The following COL23A1 variants were observed in gnomAD, a reference collection of about 807,000 sequenced individuals.
COL23A1 encodes the protein collagen alpha-1(XXIII) chain.
A neutral mutation model predicts 99.3 loss-of-function variants in COL23A1; 97 were observed. The ratio of observed to expected loss-of-function variants is 0.98; its 90% confidence interval spans 0.83 to 1.16. The LOEUF is 1.16. Ranked by LOEUF, COL23A1 falls within the 50% of genes most tolerant of loss-of-function variation. COL23A1 has a pLI of 0.00. For missense variants in COL23A1, 762 were observed against 757.4 expected, an observed-to-expected ratio of 1.01 and a Z score of -0.07; for synonymous variants, 320 against 308.2, an observed-to-expected ratio of 1.04 and a Z score of -0.40.
Position 178,309,837 on chromosome 5 carries a change from C to T in COL23A1, c.362-2918G>A, listed in dbSNP as rs1009732996. On this transcript the variant is annotated intron_variant, in intron 2 of 28. Coordinates refer to ENST00000390654, the MANE Select transcript of COL23A1 (RefSeq NM_173465.4). The surrounding 1 kb of genome is among the most constrained non-coding windows in gnomAD (Gnocchi z 4.7). Reference sequence around the variant, plus strand: ...CTGTGCTCGATTCTCCCTCCTGGCACAAAGGACCTCCTGCAGTATGTACTC... The same window carrying T: ...CTGTGCTCGATTCTCCCTCCTGGCATAAAGGACCTCCTGCAGTATGTACTC... 5.3e-5 allele frequency among the ~76,000 whole-genome samples: 8 copies of T among 151,964 alleles called. No homozygotes were observed. The highest frequency in any genetic ancestry group is 7.4e-5 in the Non-Finnish European group (5 of 68,004).
At chr5:178,527,375 G>A (rs1484493253) in intron 2 of COL23A1, among the ~76,000 whole-genome samples, 1 of 152,156 alleles carries the variant, frequency 6.6e-6, no homozygotes, top group Non-Finnish European at 1.5e-5. Context: ...AAGAGCCTTG[G>A]CCTTTTCCAT....
chr5:178,530,274 A>C (rs1200694641), intron 2 of COL23A1, among the ~76,000 whole-genome samples: 1 of 152,164 alleles, frequency 6.6e-6, no homozygotes, highest in Non-Finnish European at 1.5e-5. Context: ...CAGCCTGAGC[A>C]ATATGGCAAG....
chr5:178,357,884 CGT>C (rs141271227), intron 2 of COL23A1, among the ~76,000 whole-genome samples: 20,835 of 121,856 alleles, frequency 0.17, 1,913 homozygotes, highest in Middle Eastern at 0.4. Flanking sequence ...TGCATGTGTA[CGT>C]GTGTGTGTAT....
chr5:178,311,516 G>A (rs1273139620), intron 2 of COL23A1, among the ~76,000 whole-genome samples: 4 of 137,132 alleles, frequency 2.9e-5, no homozygotes, highest in Admixed American at 7.1e-5. Flanking sequence ...GCGCGTGTGT[G>A]TGTGTGTGTG....
intron 2 of COL23A1, among the ~76,000 whole-genome samples, chr5:178,447,098 A>T (rs545879852): frequency 1.2e-3 from 173 of 148,156 alleles, no homozygotes; most frequent in Admixed American, 3.1e-3. Context: ...TTTTATTATT[A>T]TTTTTTTTTT....
intron 2 of COL23A1, among the ~76,000 whole-genome samples, chr5:178,386,040 T>C (rs1763652377): frequency 6.6e-6 from 1 of 152,182 alleles, no homozygotes; most frequent in Non-Finnish European, 1.5e-5. Context: ...GCAGCATTAA[T>C]AGGCAGCTGG....
chr5:178,574,256 G>A (rs1763241928), intron 1 of COL23A1, among the ~76,000 whole-genome samples: 2 of 152,164 alleles, frequency 1.3e-5, no homozygotes, highest in African/African-American at 4.8e-5. Flanking sequence ...AGACAAGAAA[G>A]GGGCATAGGG....
chr5:178,497,170 C>G (rs1027850459), intron 2 of COL23A1, among the ~76,000 whole-genome samples: 2 of 152,154 alleles, frequency 1.3e-5, no homozygotes, highest in African/African-American at 4.8e-5. Context: ...AAGGATCCCA[C>G]CCACTACATA....
intron 2 of COL23A1, among the ~76,000 whole-genome samples, chr5:178,361,350 T>C (rs1242118387): frequency 6.6e-6 from 1 of 152,182 alleles, no homozygotes. Context: ...GCTTTTCTCC[T>C]GTGGAGTCAC....
At chr5:178,299,239 TTAAG>T (rs1256025056) in intron 3 of COL23A1, among the ~76,000 whole-genome samples, 1 of 152,246 alleles carries the variant, frequency 6.6e-6, no homozygotes, top group Non-Finnish European at 1.5e-5. Flanking sequence ...TAATTCTTCT[TTAAG>T]TGTTTGTTAG....
chr5:178,449,409 G>A (rs1036060958), intron 2 of COL23A1, among the ~76,000 whole-genome samples: 17 of 152,148 alleles, frequency 1.1e-4, no homozygotes, highest in African/African-American at 4.1e-4. Flanking sequence ...TCTGATAAGA[G>A]GTTTCTGGCT....
rs1224417030 is a variant in COL23A1 at position 178,410,920 on chromosome 5, AT to A, written c.362-104002del. 3.3e-5 allele frequency among the ~76,000 whole-genome samples: 5 copies of A among 152,362 alleles called. No homozygotes were observed. The East Asian group carries it at 9.6e-4, about 29-fold the overall frequency. ...GAACATATCTAGAATATATAATCAA[AT>A]TAAAAAACGCTTACAACTCAACAAT... is the stretch of plus-strand genomic sequence containing the variant. On this transcript the variant is annotated intron_variant, in intron 2 of 28. Transcript: ENST00000390654.
intron 2 of COL23A1, among the ~76,000 whole-genome samples, chr5:178,411,305 C>A (rs1026515189): frequency 6.6e-6 from 1 of 152,026 alleles, no homozygotes; most frequent in Non-Finnish European, 1.5e-5. Context: ...TGTTATATAC[C>A]CCAAAGAAGT....
chr5:178,498,026 A>G (rs1284138814), intron 2 of COL23A1, among the ~76,000 whole-genome samples: 1 of 151,330 alleles, frequency 6.6e-6, no homozygotes, highest in Non-Finnish European at 1.5e-5. Context: ...ATCAACACCT[A>G]TGTACAACAA....
At chr5:178,540,735 A>G (rs1475525721) in intron 2 of COL23A1, among the ~76,000 whole-genome samples, 2 of 151,964 alleles carry the variant, frequency 1.3e-5, no homozygotes, top group Non-Finnish European at 2.9e-5. Flanking sequence ...CAGCCTGGGC[A>G]ACACAGTGAG....
intron 2 of COL23A1, among the ~76,000 whole-genome samples, chr5:178,421,503 T>A (rs1240521143): frequency 6.6e-6 from 1 of 152,164 alleles, no homozygotes; most frequent in African/African-American, 2.4e-5. Context: ...GTCTGCCTTC[T>A]CCTCTCATGC....
At chr5:178,466,202 G>A (rs931773752) in intron 2 of COL23A1, among the ~76,000 whole-genome samples, 5 of 152,098 alleles carry the variant, frequency 3.3e-5, no homozygotes, top group Admixed American at 6.5e-5. Context: ...CCCTCCTCTC[G>A]GCCTCCACTT....
chr5:178,397,490 T>C (rs2127759546), intron 2 of COL23A1, among the ~76,000 whole-genome samples: 1 of 152,338 alleles, frequency 6.6e-6, no homozygotes, highest in African/African-American at 2.4e-5. Flanking sequence ...AACTCACAAC[T>C]ATACTGCCCC....
rs1467204750 is a variant in COL23A1, at chr5:178,313,234, C to T, written c.362-6315G>A. ...GGGAAGTCGGTGGGCCCAGAGACTCCGTTTTGCAACATGAAGAGTTCTGGA... is the reference window on the plus strand; with the variant it reads ...GGGAAGTCGGTGGGCCCAGAGACTCTGTTTTGCAACATGAAGAGTTCTGGA... On this transcript the variant is annotated intron_variant, in intron 2 of 28. Coordinates refer to ENST00000390654, the MANE Select transcript of COL23A1 (RefSeq NM_173465.4). The surrounding 1 kb of genome is among the most constrained non-coding windows in gnomAD (Gnocchi z 4.2). Among the ~76,000 whole-genome samples the T allele has an allele frequency of 2.6e-5, 4 of 152,062 alleles. No individual in the cohort carries two copies. Among genetic ancestry groups the T allele is most frequent in the African/African-American group, 9.7e-5 (4 of 41,390 alleles).
Sources: allele counts gnomAD v4.1 joint callset (sites outside exome capture counted in the v4.1 genomes callset), GRCh38; gene constraint gnomAD v4.1.1; non-coding constraint Gnocchi (gnomAD v3.1); transcripts MANE v1.5; gene names NCBI Gene and HGNC (gene_info 2026-07-23, HGNC 2026-07-21).